MDM4: variants seen among roughly 807,000 people sequenced by gnomAD.
MDM4 encodes MDM4 regulator of p53, also known as protein Mdm4.
Under a neutral mutation model 60.2 loss-of-function variants are expected in MDM4, and 2 were observed. The ratio of observed to expected loss-of-function variants is 0.03; its 90% CI spans 0.01 to 0.10. MDM4 has a LOEUF of 0.10. Among genes scored for constraint, MDM4 ranks in the 10% least tolerant of loss-of-function variants. The pLI is 1.00. For missense variants in MDM4, 447 were observed against 577.5 expected (o/e 0.77, Z 2.32); for synonymous variants, 202 against 198.1 (o/e 1.02, Z -0.17).
chr1:204,529,552 C>T (rs980259060), intron 3 of MDM4: 1 of 1,484,352 alleles, frequency 6.7e-7, no homozygotes, highest in Non-Finnish European at 9.1e-7. Context: ...GGGGCAGGAC[C>T]CCCATAGCCA....
At position 204,549,852 on chromosome 1, in the gene MDM4, C is replaced by CCTG; in HGVS notation, c.*170_*171insCTG. The CCTG allele has an allele frequency of 2.0e-6, 1 of 509,194 alleles. No homozygotes were observed. The highest frequency in any genetic ancestry group is 3.4e-6 in the Non-Finnish European group (1 of 294,046). The allele number at this position is 509,194 out of a possible 1,614,324, so 31.5% of individuals were successfully genotyped here. On this transcript the variant is annotated 3_prime_UTR_variant, in exon 11 of 11. Coordinates refer to ENST00000367182, the MANE Select transcript of MDM4 (RefSeq NM_002393.5). ...GCTAACAATGAAGAACAGAAGTAAT[C>CCTG]TGATTAGTCAAATTATTAAGTGCCA...
At chr1:204,526,269 G>A (rs1016188735) in intron 2 of MDM4, 91 bp from the exon 3 acceptor site, 53 of 1,106,710 alleles carry the variant, frequency 4.8e-5, no homozygotes, top group East Asian at 4.6e-4. Flanking sequence ...AAACAAAAGC[G>A]GGGGGAGCTG....
chr1:204,544,062 G>T (rs574016800), intron 8 of MDM4, among the ~76,000 whole-genome samples: 5 of 152,318 alleles, frequency 3.3e-5, no homozygotes, highest in African/African-American at 9.6e-5. Flanking sequence ...GTTCTATATG[G>T]AGTTCAGAAA....
At chr1:204,543,826 G>T (rs1036734078) in intron 8 of MDM4, among the ~76,000 whole-genome samples, 1 of 152,104 alleles carries the variant, frequency 6.6e-6, no homozygotes, top group African/African-American at 2.4e-5. Flanking sequence ...TTTTATGTAT[G>T]TGTTGTCTGT....
intron 1 of MDM4, 118 bp from the exon 2 acceptor site, chr1:204,525,366 G>A (rs1035581855): frequency 2.8e-6 from 4 of 1,410,702 alleles, no homozygotes; most frequent in Admixed American, 6.4e-5. Flanking sequence ...ATTTGTGTAC[G>A]GTGCTCCATT....
chr1:204,549,598 T>C lies in MDM4; in HGVS notation c.1389T>C (p.Cys463=). The C allele has an allele frequency of 6.2e-7, 1 of 1,610,794 alleles. No homozygotes were observed. The highest frequency in any genetic ancestry group is 1.1e-5 in the South Asian group (1 of 90,260). The change falls in exon 11 of 11, where the codon TGT becomes TGC. Residue 463 remains cysteine (C), a synonymous_variant. Transcript: ENST00000367182. The stretch of plus-strand genomic sequence containing the variant: ...GCCATCTTGTCACTTGTTTTCACTG[T>C]GCCAGAAGACTAAAGAAGGCTGGGG... ...RTGHLVTCFH[C]ARRLKKAGAS...
chr1:204,517,599 A>T (rs1285789330), intron 1 of MDM4, among the ~76,000 whole-genome samples: 1 of 151,866 alleles, frequency 6.6e-6, no homozygotes. Flanking sequence ...ATGAGGTTTC[A>T]CCAGGTTGGC....
At chr1:204,537,534 G>GAGA in intron 6 of MDM4, 37 bp downstream of exon 6, 1 of 1,463,596 alleles carries the variant, frequency 6.8e-7, no homozygotes, top group Non-Finnish European at 9.6e-7. Flanking sequence ...TTGTTGTACA[G>GAGA]AGTGGCCCCT....
In MDM4 at chr1:204,553,465, A is replaced by G. The variant is rs535201813; in HGVS notation, c.*3783A>G. Reference sequence around the variant, plus strand: ...TTTCAAACCTCTTCATTTGGATGTTAAATTATATGGTCACCTAGTTATAGG... The same window carrying G: ...TTTCAAACCTCTTCATTTGGATGTTGAATTATATGGTCACCTAGTTATAGG... On this transcript the variant is annotated 3_prime_UTR_variant, in exon 11 of 11. Coordinates refer to ENST00000367182, the MANE Select transcript of MDM4 (RefSeq NM_002393.5). 3 of 225,780 alleles carry G rather than the reference A, an allele frequency of 1.3e-5. No individual in the cohort carries two copies. Among genetic ancestry groups the G allele is most frequent in the African/African-American group, 6.7e-5 (3 of 45,070 alleles). The allele number at this position is 225,780 out of a possible 1,614,324, so 14.0% of individuals were successfully genotyped here. A position where few individuals can be genotyped will look rare whatever the true frequency, so the allele number is the denominator to read the frequency against.
intron 5 of MDM4, chr1:204,532,694 T>A: frequency 6.7e-7 from 1 of 1,494,836 alleles, no homozygotes; most frequent in Non-Finnish European, 9.1e-7. Flanking sequence ...TGCCTTTGGT[T>A]GATATGTCTC....
intron 7 of MDM4, among the ~76,000 whole-genome samples, chr1:204,540,511 C>T (rs534787600): frequency 1.9e-4 from 29 of 152,200 alleles, no homozygotes; most frequent in African/African-American, 6.3e-4. Context: ...GCTTGTAATC[C>T]TAGCACTTTG....
rs1032908785 is a variant in MDM4 at position 204,549,935 on chromosome 1, TTGAAAA to T, written c.*254_*259del. On this transcript the variant is annotated 3_prime_UTR_variant, in exon 11 of 11. Coordinates refer to ENST00000367182, the MANE Select transcript of MDM4 (RefSeq NM_002393.5). ...TTAGGTGAACCCAAAAGAAAAACTC[TTGAAAA>T]CAAGAGATTTCTTCCATGCACATTT... 2 of 342,808 alleles carry T rather than the reference TTGAAAA, an allele frequency of 5.8e-6. No individual in the cohort carries two copies. Among genetic ancestry groups the T allele is most frequent in the Admixed American group, 8.6e-5 (2 of 23,294 alleles). The allele number at this position is 342,808 out of a possible 1,614,324, so 21.2% of individuals were successfully genotyped here.
At position 204,537,630 on chromosome 1, in the gene MDM4, G is replaced by A. The variant is rs549233077; in HGVS notation, c.411+133G>A. 64 of 677,710 alleles carry A rather than the reference G, an allele frequency of 9.4e-5. No individual in the cohort carries two copies. In the African/African-American group the frequency reaches 1.1e-3, roughly 12 times the overall value. The allele number at this position is 677,710 out of a possible 1,614,324, so 42.0% of individuals were successfully genotyped here. A position where few individuals can be genotyped will look rare whatever the true frequency, so the allele number is the denominator to read the frequency against. On this transcript the variant is annotated intron_variant, in intron 6 of 10. Coordinates refer to ENST00000367182, the MANE Select transcript of MDM4 (RefSeq NM_002393.5). ...TAAGAAAGGTTCTTGGGAGTTCACAGACCAGGGACAGAGTGAACCTTCTCT... is the reference window on the plus strand; with the variant it reads ...TAAGAAAGGTTCTTGGGAGTTCACAAACCAGGGACAGAGTGAACCTTCTCT...
At chr1:204,523,680 C>T (rs928693267) in intron 1 of MDM4, among the ~76,000 whole-genome samples, 1 of 151,392 alleles carries the variant, frequency 6.6e-6, no homozygotes, top group African/African-American at 2.4e-5. Context: ...AGGGTTTTGC[C>T]CTGTTGCCTA....
At chr1:204,541,544 GT>G (rs1236377665) in intron 7 of MDM4, among the ~76,000 whole-genome samples, 2 of 152,178 alleles carry the variant, frequency 1.3e-5, no homozygotes, top group African/African-American at 2.4e-5. Context: ...GGGATATGTA[GT>G]TTGTGATGAA....
chr1:204,529,245 G>GAAC (rs1210844578), intron 3 of MDM4: 1 of 728,972 alleles, frequency 1.4e-6, no homozygotes, highest in African/African-American at 1.7e-5. Flanking sequence ...TCTCATCATT[G>GAAC]AACAAGGACC....
intron 7 of MDM4, among the ~76,000 whole-genome samples, chr1:204,541,194 C>T (rs540119911): frequency 1.8e-4 from 27 of 152,120 alleles, no homozygotes; most frequent in African/African-American, 6.0e-4. Flanking sequence ...CATGGTAGCT[C>T]GTGCCTGTAA....
In MDM4 at chr1:204,530,707, C is replaced by T. The variant is rs145039240; in HGVS notation, c.177C>T (p.Tyr59=). Residue 59 remains tyrosine, a synonymous_variant, in exon 4 of 11, where the codon TAC becomes TAT. Transcript: ENST00000367182. The part of the protein sequence containing the change: ...VKEVMHYLGQ[Y]IMVKQLYDQQ... ...AGGTCATGCACTATTTAGGTCAGTA[C>T]ATAATGGTGAAGCAACTTTATGATC... The T allele has an allele frequency of 6.8e-6, 11 of 1,614,048 alleles. No individual in the cohort carries two copies. The highest frequency in any genetic ancestry group is 1.3e-5 in the African/African-American group (1 of 74,906).
chr1:204,521,254 T>C (rs1659543174), intron 1 of MDM4, among the ~76,000 whole-genome samples: 1 of 152,216 alleles, frequency 6.6e-6, no homozygotes, highest in Non-Finnish European at 1.5e-5. Context: ...CCCCAAAACT[T>C]AGTGAGTTGA....
Sources: gnomAD v4.1 joint callset for allele counts (sites outside exome capture counted in the v4.1 genomes callset) on GRCh38, gnomAD v4.1.1 for gene constraint, MANE v1.5 for transcripts, NCBI Gene and HGNC (gene_info 2026-07-23, HGNC 2026-07-21) for gene names.